Variants in LAMA2 observed in about 807,000 individuals in gnomAD.
LAMA2 encodes the protein laminin subunit alpha 2.
Under a neutral mutation model 364.8 loss-of-function variants are expected in LAMA2, and 269 were observed. The ratio of observed to expected loss-of-function variants is 0.74; its 90% CI spans 0.67 to 0.82. LAMA2 has a LOEUF of 0.82. Ranked by LOEUF, LAMA2 falls within the 40% of genes least tolerant of loss-of-function variation. The pLI, the probability that LAMA2 is intolerant of heterozygous loss-of-function variation, is 0.00. For synonymous variants in LAMA2, 1,379 were observed against 1,370.6 expected, an observed-to-expected ratio of 1.01 and a Z score of -0.14; for missense variants, 3,807 against 3,873.2, an observed-to-expected ratio of 0.98 and a Z score of 0.45.
intron 1 of LAMA2, among the ~76,000 whole-genome samples, chr6:129,023,733 G>A (rs1243334312): frequency 6.6e-6 from 1 of 152,106 alleles, no homozygotes; most frequent in East Asian, 1.9e-4. Context: ...CACCTGATTT[G>A]CTATCTTGTT....
intron 58 of LAMA2, among the ~76,000 whole-genome samples, chr6:129,500,963 T>C (rs915483173): frequency 6.6e-6 from 1 of 152,196 alleles, no homozygotes; most frequent in Non-Finnish European, 1.5e-5. Flanking sequence ...TGTTTCCTAA[T>C]TCCTCAGCAT....
At chr6:129,310,897 G>A (rs1774177740) in intron 22 of LAMA2, among the ~76,000 whole-genome samples, 1 of 152,126 alleles carries the variant, frequency 6.6e-6, no homozygotes. Flanking sequence ...ACACGTCGGA[G>A]TTTGTAGGCA....
chr6:129,458,506 G>C (rs1783084213), intron 48 of LAMA2, among the ~76,000 whole-genome samples: 1 of 151,906 alleles, frequency 6.6e-6, no homozygotes, highest in Non-Finnish European at 1.5e-5. Context: ...ATTCAAATGA[G>C]CAGGAAAATC....
intron 41 of LAMA2, among the ~76,000 whole-genome samples, chr6:129,430,412 C>G (rs1292877431): frequency 6.6e-6 from 1 of 152,142 alleles, no homozygotes; most frequent in African/African-American, 2.4e-5. Context: ...TTTATGCTGT[C>G]CTTGCCTTGA....
chr6:129,273,081 G>A (rs971814084), intron 17 of LAMA2, among the ~76,000 whole-genome samples: 5 of 152,112 alleles, frequency 3.3e-5, no homozygotes, highest in Non-Finnish European at 1.5e-5. Context: ...TAGAGAAGAG[G>A]AAGAAGGCAA....
chr6:129,299,743 A>G (rs1051258808), intron 21 of LAMA2, among the ~76,000 whole-genome samples: 1 of 152,174 alleles, frequency 6.6e-6, no homozygotes, highest in Non-Finnish European at 1.5e-5. Flanking sequence ...GGTGTAAAGT[A>G]TTTTTCTAAA....
At chr6:129,320,336 A>G (rs553768626) in intron 27 of LAMA2, among the ~76,000 whole-genome samples, 1 of 152,112 alleles carries the variant, frequency 6.6e-6, no homozygotes, top group Non-Finnish European at 1.5e-5. Context: ...TCCCCGTACA[A>G]GTGAACCCAT....
At chr6:129,444,378 A>G (rs905777479) in intron 44 of LAMA2, among the ~76,000 whole-genome samples, 2 of 152,218 alleles carry the variant, frequency 1.3e-5, no homozygotes, top group Admixed American at 6.5e-5. Flanking sequence ...CAGAATAACA[A>G]TGGAGAATTA....
intron 4 of LAMA2, among the ~76,000 whole-genome samples, chr6:129,133,871 C>G (rs1777635915): frequency 6.6e-6 from 1 of 151,930 alleles, no homozygotes; most frequent in Non-Finnish European, 1.5e-5. Context: ...CAATTCAACA[C>G]ACACACACAC....
At chr6:129,505,824 G>A (rs369710795) in intron 61 of LAMA2, among the ~76,000 whole-genome samples, 14 of 151,962 alleles carry the variant, frequency 9.2e-5, no homozygotes, top group African/African-American at 2.4e-4. Flanking sequence ...GAGCCACCTC[G>A]CCCAGCTGAC....
intron 1 of LAMA2, among the ~76,000 whole-genome samples, chr6:128,903,845 G>A (rs1777240447): frequency 6.6e-6 from 1 of 152,138 alleles, no homozygotes. Context: ...GGACGGATCT[G>A]GGCTGAAGAA....
rs1236241037 is a variant in LAMA2 at position 129,250,201 on chromosome 6, G to C, written c.1872G>C (p.Met624Ile). ...EEDTERVLQL[M>I]IILEGNDLSI... ...ATACAGAACGTGTTCTCCAGCTTAT[G>C]ATTATCTTAGAGGTAGAGTACTGAG... Residue 624 changes from methionine (M) to isoleucine (I), a missense_variant, in exon 13 of 65, where the codon ATG becomes ATC. Met to Ile is a conservative substitution (Grantham distance 10). This residue lies in a region of LAMA2 where 3,333 missense variants were observed against 3,345.7 expected (regional missense o/e 1.00). Coordinates refer to ENST00000421865, the MANE Select transcript of LAMA2 (RefSeq NM_000426.4). The C allele has an allele frequency of 6.4e-7, 1 of 1,572,502 alleles. No homozygotes were observed. The highest frequency in any genetic ancestry group is 8.7e-7 in the Non-Finnish European group (1 of 1,143,340).
At chr6:128,940,274 C>T (rs886468546) in intron 1 of LAMA2, among the ~76,000 whole-genome samples, 1 of 152,044 alleles carries the variant, frequency 6.6e-6, no homozygotes, top group African/African-American at 2.4e-5. Context: ...CTCCCTAGAC[C>T]ACCACACCCC....
intron 32 of LAMA2, among the ~76,000 whole-genome samples, chr6:129,358,167 G>A (rs1777258711): frequency 6.6e-6 from 1 of 151,946 alleles, no homozygotes; most frequent in Non-Finnish European, 1.5e-5. Flanking sequence ...TGTTTTGTTA[G>A]TAAAAGATAT....
chr6:129,387,343 A>G (rs1382214990), intron 35 of LAMA2, among the ~76,000 whole-genome samples: 1 of 152,220 alleles, frequency 6.6e-6, no homozygotes. Flanking sequence ...TGCAAGTCAA[A>G]ACCACAATGA....
chr6:128,936,572 A>G (rs112334731), intron 1 of LAMA2, among the ~76,000 whole-genome samples: 57 of 152,158 alleles, frequency 3.7e-4, no homozygotes, highest in African/African-American at 1.2e-3. Flanking sequence ...TTTTTATTCT[A>G]TGTATATACC....
intron 20 of LAMA2, among the ~76,000 whole-genome samples, chr6:129,292,433 G>A (rs1425610537): frequency 1.3e-5 from 2 of 152,222 alleles, no homozygotes; most frequent in Non-Finnish European, 2.9e-5. Flanking sequence ...TACTTCCTGT[G>A]AGCAGTCTAC....
intron 1 of LAMA2, among the ~76,000 whole-genome samples, chr6:128,921,142 C>T (rs574214117): frequency 3.3e-5 from 5 of 152,150 alleles, no homozygotes; most frequent in South Asian, 4.2e-4. Context: ...ATAGGAATTA[C>T]GTTTAAATTT....
intron 3 of LAMA2, among the ~76,000 whole-genome samples, chr6:129,085,510 T>G (rs1218449314): frequency 1.3e-5 from 2 of 152,206 alleles, no homozygotes; most frequent in Non-Finnish European, 2.9e-5. Context: ...AACTAGACAC[T>G]TGATTTTCTC....
Sources: allele counts gnomAD v4.1 joint callset (sites outside exome capture counted in the v4.1 genomes callset), GRCh38; gene constraint gnomAD v4.1.1; regional missense constraint gnomAD v4.1.1; transcripts MANE v1.5; gene names NCBI Gene and HGNC (gene_info 2026-07-23, HGNC 2026-07-21).